OR10A6: variants seen among roughly 807,000 people sequenced by gnomAD.
OR10A6 encodes olfactory receptor family 10 subfamily A member 6 (gene/pseudogene).
Under a neutral mutation model 1.5 loss-of-function variants are expected in OR10A6, and 2 were observed. The observed-to-expected ratio is 1.31, with a 90% CI of 0.54 to 4.13. The LOEUF (loss-of-function observed/expected upper bound fraction) is 4.13, where lower values mean the gene tolerates loss of function less well. OR10A6 is among the 30% of genes most tolerant of loss of function. The probability of loss-of-function intolerance (pLI) is 0.07; values close to 1 mark genes in which losing one functional copy is unlikely to be tolerated. For synonymous variants in OR10A6, 169 were observed against 137.3 expected (o/e 1.23, Z -1.61); for missense variants, 492 against 368.6 (o/e 1.33, Z -2.74).
rs1437703108 is a variant in OR10A6, at chr11:7,925,725, G to C, written c.*1993C>G. ...TCTTACTTAATTGGTTCTTTTAAAAGCTATCAGAAGGAAATTTCAGGATAT... is the reference window on the plus strand; with the variant it reads ...TCTTACTTAATTGGTTCTTTTAAAACCTATCAGAAGGAAATTTCAGGATAT... On this transcript the variant is annotated 3_prime_UTR_variant, in exon 4 of 4. Coordinates refer to ENST00000641238, the MANE Select transcript of OR10A6 (RefSeq NM_001004461.2). The C allele has an allele frequency of 6.6e-6, 1 of 152,168 alleles. No individual in the cohort carries two copies. The highest frequency in any genetic ancestry group is 1.5e-5 in the Non-Finnish European group (1 of 68,028). The allele number at this position is 152,168 out of a possible 1,614,324, so 9.4% of individuals were successfully genotyped here.
At position 7,930,355 on chromosome 11, in the gene OR10A6, T is replaced by A. The variant is rs149487365; in HGVS notation, c.-1693A>T. 1 of 152,078 alleles carries A rather than the reference T, an allele frequency of 6.6e-6. No individual in the cohort carries two copies. Among genetic ancestry groups the A allele is most frequent in the Non-Finnish European group, 1.5e-5 (1 of 67,972 alleles). 9.4% of individuals were successfully genotyped at this position (152,078 alleles called of 1,614,324 possible). A position where few individuals can be genotyped will look rare whatever the true frequency, so the allele number is the denominator to read the frequency against. On this transcript the variant is annotated 5_prime_UTR_variant, in exon 4 of 4. It removes the in-frame stop codon of an upstream open reading frame in the 5' UTR. Coordinates refer to ENST00000641238, the MANE Select transcript of OR10A6 (RefSeq NM_001004461.2). The stretch of plus-strand genomic sequence containing the variant: ...GAGGAGGAAAACTGACTTGCTCAAG[T>A]CAGGAGGCACTTGGTGACACCATAA...
rs1859521297 is a variant in OR10A6 at position 7,930,890 on chromosome 11, C to T, written c.-1882-1G>A. On this transcript the variant is annotated splice_acceptor_variant, in intron 2 of 3. Coordinates refer to ENST00000641238, the MANE Select transcript of OR10A6 (RefSeq NM_001004461.2). LOFTEE classifies it low-confidence loss of function (5UTR_SPLICE). ...ATCACTTCCTCCCCAAGGCTTCAGC[C>T]TGCCAATGGAAAGAGGTAAGTGTTG... The T allele has an allele frequency of 6.6e-6, 1 of 152,198 alleles. No individual in the cohort carries two copies. Among genetic ancestry groups the T allele is most frequent in the African/African-American group, 2.4e-5 (1 of 41,444 alleles). The allele number at this position is 152,198 out of a possible 1,614,324, so 9.4% of individuals were successfully genotyped here.
At position 7,928,885 on chromosome 11, in the gene OR10A6, G is replaced by A. The variant is rs951597268; in HGVS notation, c.-223C>T. ...TAGAAATGAAGAATTCTGGCTCAGA[G>A]ATCTTGTCAAATAATATCAAAATTT... On this transcript the variant is annotated 5_prime_UTR_variant, in exon 4 of 4. Coordinates refer to ENST00000641238, the MANE Select transcript of OR10A6 (RefSeq NM_001004461.2). 3.7e-5 allele frequency: 15 copies of A among 400,228 alleles called. No homozygotes were observed. The highest frequency in any genetic ancestry group is 2.7e-4 in the African/African-American group (13 of 48,472). 24.8% of individuals were successfully genotyped at this position (400,228 alleles called of 1,614,324 possible). A position where few individuals can be genotyped will look rare whatever the true frequency, so the allele number is the denominator to read the frequency against.
rs376157547 is a variant in OR10A6 at position 7,928,025 on chromosome 11, A to G, written c.638T>C (p.Leu213Ser). The change falls in exon 4 of 4, where the codon TTG (leucine) becomes TCG (serine). Residue 213 changes from leucine (L) to serine (S), a missense_variant. By Grantham distance (145) the Leu-to-Ser change is moderately radical. Coordinates refer to ENST00000641238, the MANE Select transcript of OR10A6 (RefSeq NM_001004461.2). ...AACTCGAATGTAAGACAAGAGTATC[A>G]ACAAGAAAGGAACCAAAATAATCAA... ...TFLIILVPFL[L>S]ILLSYIRVLF... 1.2e-6 allele frequency: 2 copies of G among 1,613,906 alleles called. No individual in the cohort carries two copies. Among genetic ancestry groups the G allele is most frequent in the African/African-American group, 2.7e-5 (2 of 74,922 alleles).
rs1554906106 is a variant in OR10A6, at chr11:7,929,964, A to ATGTATATATATGTG, written c.-1303_-1302insCACATATATATACA. On this transcript the variant is annotated 5_prime_UTR_variant, in exon 4 of 4. Transcript: ENST00000641238. ...GCTCTAGTAAGGTATGTGTATGTGT[A>ATGTATATATATGTG]TGTATATATATATATATATATATAT... 1 of 49,152 alleles carries ATGTATATATATGTG rather than the reference A, an allele frequency of 2.0e-5. No individual in the cohort carries two copies. Among genetic ancestry groups the ATGTATATATATGTG allele is most frequent in the South Asian group, 7.9e-4 (1 of 1,272 alleles). The allele number at this position is 49,152 out of a possible 1,614,324, so 3.0% of individuals were successfully genotyped here.
intron 3 of OR10A6, 50 bp downstream of exon 3, chr11:7,930,811 T>C (rs1201531758): frequency 2.6e-5 from 4 of 152,168 alleles, no homozygotes; most frequent in African/African-American, 7.2e-5. Context: ...CTTTATACCT[T>C]AGAAGATCTT....
At position 7,926,495 on chromosome 11, in the gene OR10A6, G is replaced by C. The variant is rs745603896; in HGVS notation, c.*1223C>G. ...TCTCATGAAATTTCTCTCTTTTTTTGAAATTCAAATAGATTTGCAACTTCA... is the reference window on the plus strand; with the variant it reads ...TCTCATGAAATTTCTCTCTTTTTTTCAAATTCAAATAGATTTGCAACTTCA... On this transcript the variant is annotated 3_prime_UTR_variant, in exon 4 of 4. Transcript: ENST00000641238. 6.6e-6 allele frequency: 1 copy of C among 151,996 alleles called. No homozygotes were observed. The highest frequency in any genetic ancestry group is 1.5e-5 in the Non-Finnish European group (1 of 68,000). 9.4% of individuals were successfully genotyped at this position (151,996 alleles called of 1,614,324 possible). A position where few individuals can be genotyped will look rare whatever the true frequency, so the allele number is the denominator to read the frequency against.
At chr11:7,930,935 C>T (rs74052152) in intron 2 of OR10A6, 46 bp from the exon 3 acceptor site, 1 of 152,308 alleles carries the variant, frequency 6.6e-6, no homozygotes, top group African/African-American at 2.4e-5. Flanking sequence ...ACCAAGTTCT[C>T]TTCTAGTTGC....
chr11:7,929,755 T>TATATATATATATAC lies in OR10A6; in HGVS notation c.-1094_-1093insGTATATATATATAT, dbSNP rs55811645. 1,539 of 96,276 alleles carry TATATATATATATAC rather than the reference T, an allele frequency of 0.016. 39 individuals are homozygous for TATATATATATATAC. Among genetic ancestry groups the TATATATATATATAC allele is most frequent in the Non-Finnish European group, 0.019 (856 of 44,442 alleles). The allele number at this position is 96,276 out of a possible 1,614,324, so 6.0% of individuals were successfully genotyped here. A position where few individuals can be genotyped will look rare whatever the true frequency, so the allele number is the denominator to read the frequency against. On this transcript the variant is annotated 5_prime_UTR_variant, in exon 4 of 4. The change abolishes the stop of an existing upstream ORF in the 5' untranslated region. Transcript: ENST00000641238. ...ATATATATATATATATATATATATATACACACACATGCACACATATATATA... is the reference window on the plus strand; with the variant it reads ...ATATATATATATATATATATATATATATATATATATATACACACACACATGCACACATATATATA...
chr11:7,931,098 C>G (rs1345863272), intron 1 of OR10A6, 85 bp from the exon 2 acceptor site: 2 of 152,228 alleles, frequency 1.3e-5, no homozygotes, highest in African/African-American at 4.8e-5. Flanking sequence ...CTCCTGAGCA[C>G]TGAGCCATCA....
Position 7,927,722 on chromosome 11 carries a change from A to G in OR10A6, c.941T>C (p.Ile314Thr), listed in dbSNP as rs371153779. The change falls in exon 4 of 4, where the codon ATC becomes ACC. Residue 314 changes from isoleucine (I) to threonine (T), a missense_variant. Coordinates refer to ENST00000641238, the MANE Select transcript of OR10A6 (RefSeq NM_001004461.2). ...LWRRRVVLHT[I>T] Reference sequence around the variant, plus strand: ...TTACATGGCTTCTCAACACAGTCAGATTGTGTGTAAAACCACTCGCCTTCG... The same window carrying G: ...TTACATGGCTTCTCAACACAGTCAGGTTGTGTGTAAAACCACTCGCCTTCG... 34 of 1,604,618 alleles carry G rather than the reference A, an allele frequency of 2.1e-5. No homozygotes were observed. Among genetic ancestry groups the G allele is most frequent in the Non-Finnish European group, 2.7e-5 (32 of 1,171,846 alleles).
Position 7,927,005 on chromosome 11 carries a change from C to T in OR10A6, c.*713G>A, listed in dbSNP as rs183679896. The T allele has an allele frequency of 2.2e-3, 338 of 152,190 alleles. 1 individual carries two copies. Among genetic ancestry groups the T allele is most frequent in the African/African-American group, 7.4e-3 (308 of 41,528 alleles). The allele number at this position is 152,190 out of a possible 1,614,324, so 9.4% of individuals were successfully genotyped here. ...ATAGTTTATAAGTGGAAAGGACAGC[C>T]GTACTTTAAATGACCTTCAAAAATG... On this transcript the variant is annotated 3_prime_UTR_variant, in exon 4 of 4. Coordinates refer to ENST00000641238, the MANE Select transcript of OR10A6 (RefSeq NM_001004461.2).
chr11:7,926,402 G>C lies in OR10A6; in HGVS notation c.*1316C>G, dbSNP rs1007027575. The C allele has an allele frequency of 1.3e-5, 2 of 152,148 alleles. No individual in the cohort carries two copies. Among genetic ancestry groups the C allele is most frequent in the Admixed American group, 6.5e-5 (1 of 15,278 alleles). The allele number at this position is 152,148 out of a possible 1,614,324, so 9.4% of individuals were successfully genotyped here. A position where few individuals can be genotyped will look rare whatever the true frequency, so the allele number is the denominator to read the frequency against. ...GCCAGGTGGGCTGTTGCCGGTCAGG[G>C]GTCCCCAGCTTCCAAAGTGACTGAG... On this transcript the variant is annotated 3_prime_UTR_variant, in exon 4 of 4. Transcript: ENST00000641238.
chr11:7,926,324 C>T lies in OR10A6; in HGVS notation c.*1394G>A, dbSNP rs1323514082. On this transcript the variant is annotated 3_prime_UTR_variant, in exon 4 of 4. Transcript: ENST00000641238. ...ATTCTTCTTGGGTGTGGTACAAAAG[C>T]TTGGGAACTGCTGAATGCAGGTACA... 2 of 152,220 alleles carry T rather than the reference C, an allele frequency of 1.3e-5. No homozygotes were observed. The highest frequency in any genetic ancestry group is 2.9e-5 in the Non-Finnish European group (2 of 68,076). 9.4% of individuals were successfully genotyped at this position (152,220 alleles called of 1,614,324 possible).
rs573660843 is a variant in OR10A6, at chr11:7,929,181, T to C, written c.-519A>G. On this transcript the variant is annotated 5_prime_UTR_variant, in exon 4 of 4. The change creates a new upstream start codon in the 5' untranslated region. Coordinates refer to ENST00000641238, the MANE Select transcript of OR10A6 (RefSeq NM_001004461.2). ...ATATTAATTAGATTCAAAGTACCTA[T>C]ATATGACTTGGAGAAAGAAAACAAC... is the stretch of plus-strand genomic sequence containing the variant. 11 of 152,460 alleles carry C rather than the reference T, an allele frequency of 7.2e-5. No individual in the cohort carries two copies. The highest frequency in any genetic ancestry group is 2.6e-4 in the African/African-American group (11 of 41,578). 9.4% of individuals were successfully genotyped at this position (152,460 alleles called of 1,614,324 possible).
In OR10A6 at chr11:7,928,303, A is replaced by T. The variant is rs746258710; in HGVS notation, c.360T>A (p.Tyr120Ter). ...AECFLLGAMAYDRFAAICHPL... is the reference protein window; with the variant it reads ...AECFLLGAMA ...GATGGCAAATTGCAGCAAATCGGTC[A>T]TAAGCCATTGCTCCCAGAAGAAAAC... Residue 120 changes from tyrosine (Y) to a stop codon, truncating the protein, a stop_gained, in exon 4 of 4, where the codon TAT becomes TAA. Transcript: ENST00000641238. LOFTEE classifies it low-confidence loss of function (END_TRUNC). The T allele has an allele frequency of 6.2e-7, 1 of 1,613,868 alleles. No individual in the cohort carries two copies. The highest frequency in any genetic ancestry group is 1.3e-5 in the African/African-American group (1 of 74,928).
rs767832216 is a variant in OR10A6 at position 7,928,643 on chromosome 11, C to G, written c.20G>C (p.Ser7Thr). MERQNQ[S>T]CVVEFILLGF... ...CAAGAGGATGAATTCAACCACACAG[C>G]TTTGATTTTGTCTTTCCATTTTCAG... Residue 7 changes from serine (S) to threonine (T), a missense_variant, in exon 4 of 4, where the codon AGC becomes ACC. Ser to Thr is a moderately conservative substitution (Grantham distance 58, BLOSUM62 1). Coordinates refer to ENST00000641238, the MANE Select transcript of OR10A6 (RefSeq NM_001004461.2). 20 of 1,601,932 alleles carry G rather than the reference C, an allele frequency of 1.2e-5. No homozygotes were observed. Among genetic ancestry groups the G allele is most frequent in the Non-Finnish European group, 1.7e-5 (20 of 1,175,944 alleles).
At position 7,924,769 on chromosome 11, in the gene OR10A6, G is replaced by A. The variant is rs565153008; in HGVS notation, c.*2949C>T. ...CTAGCTTTCCACTTGGCCTCTGTAG[G>A]GCCTGGCTTTTCTAGTCATGCTTTA... On this transcript the variant is annotated 3_prime_UTR_variant, in exon 4 of 4. Coordinates refer to ENST00000641238, the MANE Select transcript of OR10A6 (RefSeq NM_001004461.2). 10 of 152,140 alleles carry A rather than the reference G, an allele frequency of 6.6e-5. No individual in the cohort carries two copies. Among genetic ancestry groups the A allele is most frequent in the Admixed American group, 4.6e-4 (7 of 15,280 alleles). 9.4% of individuals were successfully genotyped at this position (152,140 alleles called of 1,614,324 possible).
rs1339002367 is a variant in OR10A6 at position 7,929,996 on chromosome 11, A to ATATATATATATATG, written c.-1335_-1334insCATATATATATATA. ...TATATATATATATATATATATATAA[A>ATATATATATATATG]ATCCCTCACTAGAGCTTAGCTCCCA... is the stretch of plus-strand genomic sequence containing the variant. On this transcript the variant is annotated 5_prime_UTR_variant, in exon 4 of 4. Coordinates refer to ENST00000641238, the MANE Select transcript of OR10A6 (RefSeq NM_001004461.2). The ATATATATATATATG allele has an allele frequency of 6.2e-5, 5 of 80,106 alleles. No individual in the cohort carries two copies. The highest frequency in any genetic ancestry group is 1.5e-4 in the Non-Finnish European group (5 of 34,066). 5.0% of individuals were successfully genotyped at this position (80,106 alleles called of 1,614,324 possible). A position where few individuals can be genotyped will look rare whatever the true frequency, so the allele number is the denominator to read the frequency against.
Sources: gnomAD v4.1 joint callset for allele counts on GRCh38, gnomAD v4.1.1 for gene constraint, MANE v1.5 for transcripts, NCBI Gene and HGNC (gene_info 2026-07-23, HGNC 2026-07-21) for gene names.